The following TUSC3 variants were observed in gnomAD, a reference collection of about 807,000 sequenced individuals.
TUSC3 encodes the protein tumor suppressor candidate 3.
Under a neutral mutation model 44.8 loss-of-function variants are expected in TUSC3, and 45 were observed. That is an observed-to-expected ratio of 1.00 (90% CI 0.79 to 1.29). TUSC3 has a LOEUF of 1.29. Ranked by LOEUF, TUSC3 falls within the 50% of genes most tolerant of loss-of-function variation. The pLI is 0.00. For missense variants in TUSC3, 519 were observed against 437.9 expected (o/e 1.19, Z -1.65); for synonymous variants, 212 against 152.9 (o/e 1.39, Z -2.85).
the TUSC3 span, among the ~76,000 whole-genome samples, chr8:15,807,625 C>A: frequency 6.6e-6 from 1 of 152,066 alleles, no homozygotes; most frequent in African/African-American, 2.4e-5. Flanking sequence ...GGTGCCCATC[C>A]GTGGTGGATT....
At chr8:15,605,904 A>C (rs1296040678) in intron 1 of TUSC3, among the ~76,000 whole-genome samples, 6 of 152,032 alleles carry the variant, frequency 3.9e-5, no homozygotes, top group Non-Finnish European at 5.9e-5. Flanking sequence ...GGTGAGCTTA[A>C]GTGTTGCAGT....
chr8:15,663,416 A>T (rs577401665), intron 5 of TUSC3, among the ~76,000 whole-genome samples: 33 of 151,848 alleles, frequency 2.2e-4, no homozygotes, highest in Admixed American at 4.6e-4. Context: ...TTCTTGCAGT[A>T]GCCCTTCATC....
rs564474296 is a variant in TUSC3, at chr8:15,481,738, T to TA, written n.92-1639dup. Among the ~76,000 whole-genome samples the TA allele has an allele frequency of 6.8e-3, 1,025 of 151,400 alleles. 8 individuals are homozygous for TA. The highest frequency in any genetic ancestry group is 0.015 in the African/African-American group (634 of 41,286). On this transcript the variant is annotated intron_variant and non_coding_transcript_variant, in intron 1 of 5. Coordinates refer to the TUSC3 transcript ENST00000503191. The stretch of plus-strand genomic sequence containing the variant: ...CCTTAATTTTAAAACACTTTATTAC[T>TA]AAAAAAAAATGCTAACAATTACGTG...
chr8:15,631,473 A>G (rs1047997030), intron 2 of TUSC3, among the ~76,000 whole-genome samples: 5 of 152,184 alleles, frequency 3.3e-5, no homozygotes, highest in Non-Finnish European at 5.9e-5. Flanking sequence ...AATTGAAACT[A>G]GTACAGTGGA....
intron 2 of TUSC3, among the ~76,000 whole-genome samples, chr8:15,534,079 T>C (rs981410848): frequency 1.3e-5 from 2 of 152,146 alleles, no homozygotes; most frequent in African/African-American, 4.8e-5. Flanking sequence ...AGGATCAACA[T>C]GAGTGGCAGG....
intron 1 of TUSC3, among the ~76,000 whole-genome samples, chr8:15,449,236 A>T (rs368938458): frequency 1.3e-5 from 2 of 152,324 alleles, no homozygotes; most frequent in East Asian, 3.9e-4. Flanking sequence ...AGTAAGCTAT[A>T]GGAGGAATCA....
chr8:15,470,258 CA>C (rs75794739), intron 1 of TUSC3, among the ~76,000 whole-genome samples: 9,063 of 101,656 alleles, frequency 0.089, 248 homozygotes, highest in East Asian at 0.18. Flanking sequence ...GACCCTGTCT[CA>C]AAAAAAAAAA....
At chr8:15,801,831 G>T in the TUSC3 span, among the ~76,000 whole-genome samples, 1 of 152,180 alleles carries the variant, frequency 6.6e-6, no homozygotes, top group Admixed American at 6.5e-5. Context: ...AATAGGCAAT[G>T]CTGTTCAAGA....
In TUSC3 at chr8:15,617,133, T is replaced by TGTGTGTGTGTGC. The variant is rs1805025504; in HGVS notation, c.139-5947_139-5946insGTGTGTGTGTGC. On this transcript the variant is annotated intron_variant, in intron 1 of 10. Transcript: ENST00000503731. The stretch of plus-strand genomic sequence containing the variant: ...TCTATCTGTAAAATGTGTGTGTGTG[T>TGTGTGTGTGTGC]ATATATTTTTTTTTTTTTTTTTTTG... 3.1e-5 allele frequency among the ~76,000 whole-genome samples: 2 copies of TGTGTGTGTGTGC among 64,172 alleles called. 1 individual carries two copies. The highest frequency in any genetic ancestry group is 7.3e-5 in the Non-Finnish European group (2 of 27,558). The allele number at this position is 64,172 out of a possible 152,430, so 42.1% of individuals were successfully genotyped here.
intron 1 of TUSC3, among the ~76,000 whole-genome samples, chr8:15,599,158 A>G (rs534392305): frequency 6.6e-6 from 1 of 151,844 alleles, no homozygotes; most frequent in African/African-American, 2.4e-5. Flanking sequence ...TAATTGTCTT[A>G]ATTTGCATTT....
At chr8:15,483,649 A>ATTTGTTTTTTTTTTTTTTTT (rs1800694522) in intron 2 of TUSC3, among the ~76,000 whole-genome samples, 1 of 66,166 alleles carries the variant, frequency 1.5e-5, no homozygotes, top group Non-Finnish European at 2.8e-5. Flanking sequence ...TAGCACTGTG[A>ATTTGTTTTTTTTTTTTTTTT]TTTTTTTTTT....
chr8:15,505,400 T>C (rs1801038934), intron 2 of TUSC3, among the ~76,000 whole-genome samples: 1 of 152,288 alleles, frequency 6.6e-6, no homozygotes, highest in South Asian at 2.1e-4. Flanking sequence ...TAATGTACTA[T>C]GTCTATTCCT....
chr8:15,492,278 A>C (rs1427698635), intron 2 of TUSC3, among the ~76,000 whole-genome samples: 1 of 152,208 alleles, frequency 6.6e-6, no homozygotes, highest in Non-Finnish European at 1.5e-5. Context: ...CCTGTTCTTT[A>C]AAGTCTTTCC....
chr8:15,517,146 G>C (rs1199328149), intron 2 of TUSC3, among the ~76,000 whole-genome samples: 1 of 152,050 alleles, frequency 6.6e-6, no homozygotes, highest in East Asian at 1.9e-4. Flanking sequence ...GGATTCTCTA[G>C]CAATAGCTCA....
At chr8:15,446,838 A>C (rs1353051921) in intron 1 of TUSC3, among the ~76,000 whole-genome samples, 2 of 151,974 alleles carry the variant, frequency 1.3e-5, no homozygotes, top group African/African-American at 2.4e-5. Flanking sequence ...GGAGAGGCAG[A>C]AGTTCATGTG....
At chr8:15,737,007 AC>A (rs1328706042) in intron 7 of TUSC3, among the ~76,000 whole-genome samples, 5 of 152,174 alleles carry the variant, frequency 3.3e-5, no homozygotes, top group African/African-American at 1.2e-4. Flanking sequence ...TAAAGGTTAT[AC>A]TAGCAATTTA....
the TUSC3 span, among the ~76,000 whole-genome samples, chr8:15,794,489 C>G: frequency 6.6e-6 from 1 of 152,122 alleles, no homozygotes; most frequent in Non-Finnish European, 1.5e-5. Flanking sequence ...AGATTCTTTC[C>G]TACTTGCAAT....
At chr8:15,686,977 G>T (rs1808658536) in intron 6 of TUSC3, among the ~76,000 whole-genome samples, 2 of 152,132 alleles carry the variant, frequency 1.3e-5, no homozygotes, top group South Asian at 4.1e-4. Context: ...GGAGGCTGAG[G>T]CAGGAGAATG....
intron 6 of TUSC3, among the ~76,000 whole-genome samples, chr8:15,721,759 C>G (rs571223637): frequency 6.6e-6 from 1 of 152,100 alleles, no homozygotes; most frequent in South Asian, 2.1e-4. Context: ...ACTAAAATTA[C>G]TTAAGCAGTT....
Sources: allele counts gnomAD v4.1 joint callset (sites outside exome capture counted in the v4.1 genomes callset), GRCh38; gene constraint gnomAD v4.1.1; transcripts MANE v1.5; gene names NCBI Gene and HGNC (gene_info 2026-07-23, HGNC 2026-07-21).